Variants in RNF13 observed in about 807,000 individuals in gnomAD.
RNF13 encodes the protein ring finger protein 13, also known as E3 ubiquitin-protein ligase RNF13.
RNF13 carries 19 observed loss-of-function variants against 37.7 expected under a neutral mutation model. The observed-to-expected ratio is 0.50, with a 90% CI of 0.35 to 0.74. The LOEUF (loss-of-function observed/expected upper bound fraction) is 0.74. Ranked by LOEUF, RNF13 falls within the 30% of genes least tolerant of loss-of-function variation. The pLI is 0.01. For missense variants in RNF13, 375 were observed against 453.0 expected, an observed-to-expected ratio of 0.83 and a Z score of 1.56; for synonymous variants, 144 against 157.8, an observed-to-expected ratio of 0.91 and a Z score of 0.65.
intron 2 of RNF13, among the ~76,000 whole-genome samples, chr3:149,848,234 A>G (rs1035823243): frequency 1.3e-5 from 2 of 152,198 alleles, no homozygotes; most frequent in African/African-American, 4.8e-5. Context: ...AGAATGGTCA[A>G]TCCTTTTTGC....
intron 4 of RNF13, among the ~76,000 whole-genome samples, chr3:149,882,690 A>T (rs1004907277): frequency 6.6e-6 from 1 of 152,214 alleles, no homozygotes; most frequent in Non-Finnish European, 1.5e-5. Flanking sequence ...TACTAAGTGC[A>T]GGATGATTTT....
At chr3:149,886,884 A>G (rs903049980) in intron 4 of RNF13, among the ~76,000 whole-genome samples, 1 of 152,180 alleles carries the variant, frequency 6.6e-6, no homozygotes, top group Admixed American at 6.5e-5. Context: ...ATTCATCTCA[A>G]AGTATTGTAA....
chr3:149,849,476 A>C (rs2108383266), intron 2 of RNF13, among the ~76,000 whole-genome samples: 1 of 152,328 alleles, frequency 6.6e-6, no homozygotes, highest in South Asian at 2.1e-4. Flanking sequence ...TGGATTTATA[A>C]TCAGAGTTGA....
intron 5 of RNF13, among the ~76,000 whole-genome samples, chr3:149,901,453 A>G (rs891687724): frequency 2.6e-5 from 4 of 152,136 alleles, no homozygotes; most frequent in African/African-American, 9.7e-5. Flanking sequence ...GGTTTTGAAT[A>G]TGGGTAGAAG....
intron 1 of RNF13, among the ~76,000 whole-genome samples, chr3:149,837,999 G>A (rs1403264179): frequency 6.6e-6 from 1 of 152,136 alleles, no homozygotes; most frequent in Non-Finnish European, 1.5e-5. Context: ...GCTGTTCCAA[G>A]TGGGAGAAAT....
intron 4 of RNF13, among the ~76,000 whole-genome samples, chr3:149,894,375 A>G (rs1715025421): frequency 1.3e-5 from 2 of 152,156 alleles, no homozygotes; most frequent in Admixed American, 6.5e-5. Flanking sequence ...ATAATTGCAC[A>G]TCCTTTTTAC....
At chr3:149,881,460 A>G (rs1713390168) in intron 4 of RNF13, among the ~76,000 whole-genome samples, 1 of 152,060 alleles carries the variant, frequency 6.6e-6, no homozygotes, top group African/African-American at 2.4e-5. Flanking sequence ...CCTCCTGAGT[A>G]GCTGATATTA....
intron 8 of RNF13, chr3:149,938,918 A>G: frequency 5.5e-6 from 2 of 366,462 alleles, no homozygotes; most frequent in Non-Finnish European, 1.0e-5. Flanking sequence ...TATAAAAAGG[A>G]CAGCCAGATA....
chr3:149,876,010 G>A (rs1712649159), intron 4 of RNF13, among the ~76,000 whole-genome samples: 1 of 137,780 alleles, frequency 7.3e-6, no homozygotes, highest in African/African-American at 2.6e-5. Flanking sequence ...GTAATTGAAA[G>A]GCCATTAAAA....
At chr3:149,853,455 G>GGAGAGAGAGAGAGAGAGAGAGAGAGAGA (rs397842025) in intron 3 of RNF13, among the ~76,000 whole-genome samples, 5 of 117,300 alleles carry the variant, frequency 4.3e-5, no homozygotes, top group Non-Finnish European at 8.8e-5. Context: ...AGAGAGAGAG[G>GGAGAGAGAGAGAGAGAGAGAGAGAGAGA]GAGAGAGAGA....
chr3:149,834,634 CT>C (rs1285631278), intron 1 of RNF13, among the ~76,000 whole-genome samples: 2 of 152,220 alleles, frequency 1.3e-5, no homozygotes, highest in Non-Finnish European at 2.9e-5. Flanking sequence ...AAATTTCACT[CT>C]TAGTTCTTTT....
At chr3:149,840,554 T>C (rs1245736755) in intron 1 of RNF13, among the ~76,000 whole-genome samples, 1 of 152,212 alleles carries the variant, frequency 6.6e-6, no homozygotes, top group Non-Finnish European at 1.5e-5. Flanking sequence ...TCAGGATGGA[T>C]GTATTCTATT....
At chr3:149,854,179 G>A (rs1723423413) in intron 3 of RNF13, among the ~76,000 whole-genome samples, 1 of 151,696 alleles carries the variant, frequency 6.6e-6, no homozygotes, top group African/African-American at 2.4e-5. Context: ...TTCTTAATTA[G>A]GATGGCAGAC....
chr3:149,864,979 T>C (rs1724652371), intron 3 of RNF13, among the ~76,000 whole-genome samples: 1 of 152,174 alleles, frequency 6.6e-6, no homozygotes, highest in African/African-American at 2.4e-5. Context: ...TAGTAAACTT[T>C]GGGAGAAGAT....
At chr3:149,919,420 C>T (rs1199673222) in intron 7 of RNF13, among the ~76,000 whole-genome samples, 1 of 152,118 alleles carries the variant, frequency 6.6e-6, no homozygotes, top group Non-Finnish European at 1.5e-5. Context: ...CTTCTCCATG[C>T]CCAGACAACT....
intron 8 of RNF13, among the ~76,000 whole-genome samples, chr3:149,923,260 T>G (rs1249108862): frequency 6.6e-6 from 1 of 152,090 alleles, no homozygotes; most frequent in African/African-American, 2.4e-5. Context: ...AGTTTTTTTT[T>G]GTTTTGTTTT....
intron 1 of RNF13, among the ~76,000 whole-genome samples, chr3:149,838,668 G>A (rs1226814224): frequency 1.3e-5 from 2 of 152,228 alleles, no homozygotes; most frequent in Non-Finnish European, 2.9e-5. Context: ...GCCCAGCCCA[G>A]CAAGCCATTT....
chr3:149,853,602 TATG>T (rs1723357479), intron 3 of RNF13, among the ~76,000 whole-genome samples: 2 of 152,112 alleles, frequency 1.3e-5, no homozygotes, highest in African/African-American at 2.4e-5. Flanking sequence ...GTTTGCCATA[TATG>T]CTTCAGATTA....
At chr3:149,855,304 G>A (rs1413833829) in intron 3 of RNF13, among the ~76,000 whole-genome samples, 1 of 152,052 alleles carries the variant, frequency 6.6e-6, no homozygotes, top group African/African-American at 2.4e-5. Flanking sequence ...GGGCGACAGA[G>A]TGAGACCTTG....
Sources: allele counts gnomAD v4.1 joint callset (sites outside exome capture counted in the v4.1 genomes callset), GRCh38; gene constraint gnomAD v4.1.1; transcripts MANE v1.5; gene names NCBI Gene and HGNC (gene_info 2026-07-23, HGNC 2026-07-21).